Variants in DLG2 observed in about 807,000 individuals in gnomAD.
DLG2 encodes discs large MAGUK scaffold protein 2, also known as disks large homolog 2.
DLG2 carries 45 observed loss-of-function variants against 132.5 expected under a neutral mutation model. The observed-to-expected ratio is 0.34, with a 90% confidence interval of 0.27 to 0.44. DLG2 has a LOEUF of 0.44. Ranked by LOEUF, DLG2 falls within the 20% of genes least tolerant of loss-of-function variation. The pLI is 1.00. For missense variants in DLG2, 1,045 were observed against 1,196.9 expected (o/e 0.87, Z 1.87); for synonymous variants, 424 against 419.6 (o/e 1.01, Z -0.13).
At chr11:85,349,953 T>C (rs1222830079) in intron 3 of DLG2, among the ~76,000 whole-genome samples, 1 of 152,238 alleles carries the variant, frequency 6.6e-6, no homozygotes, top group Non-Finnish European at 1.5e-5. Flanking sequence ...GGTCAAATGG[T>C]ATTTCTAGTT....
chr11:85,394,902 A>C (rs896339860), intron 3 of DLG2, among the ~76,000 whole-genome samples: 2 of 152,198 alleles, frequency 1.3e-5, no homozygotes, highest in Non-Finnish European at 2.9e-5. Context: ...TGATGAATAT[A>C]GCATTCTTGC....
At chr11:84,672,762 A>T (rs562184626) in intron 6 of DLG2, among the ~76,000 whole-genome samples, 12 of 152,186 alleles carry the variant, frequency 7.9e-5, no homozygotes, top group African/African-American at 2.9e-4. Context: ...CCATGACGTG[A>T]TCCTGGTGTA....
chr11:84,881,994 T>G (rs2087425534), intron 6 of DLG2, among the ~76,000 whole-genome samples: 1 of 152,162 alleles, frequency 6.6e-6, no homozygotes, highest in Non-Finnish European at 1.5e-5. Context: ...AAATGTTTGC[T>G]TTAATTGATT....
At chr11:85,051,381 A>G (rs1242236664) in intron 6 of DLG2, among the ~76,000 whole-genome samples, 2 of 152,180 alleles carry the variant, frequency 1.3e-5, no homozygotes, top group African/African-American at 4.8e-5. Context: ...AGAGATATAT[A>G]CTATATAAAT....
Position 84,035,517 on chromosome 11 carries a change from T to C in DLG2, c.919+23798A>G, listed in dbSNP as rs186099350. Among the ~76,000 whole-genome samples, 354 of 152,258 alleles carry C rather than the reference T, an allele frequency of 2.3e-3. 1 individual carries two copies. Among genetic ancestry groups the C allele is most frequent in the Middle Eastern group, 0.01 (3 of 294 alleles). ...TGTAGGCAGGAACATACTTAGAACT[T>C]TGAAACAGTTGTAAGAAAGCTAGTG... On this transcript the variant is annotated intron_variant, in intron 11 of 27. Transcript: ENST00000376104.
chr11:85,143,050 G>T (rs1011565487), intron 5 of DLG2, among the ~76,000 whole-genome samples: 17 of 151,622 alleles, frequency 1.1e-4, no homozygotes, highest in African/African-American at 4.1e-4. Flanking sequence ...TTGGCATCGT[G>T]GTAATACTAG....
chr11:83,838,859 T>C (rs956338719), intron 16 of DLG2, among the ~76,000 whole-genome samples: 3 of 152,090 alleles, frequency 2.0e-5, no homozygotes, highest in Admixed American at 6.5e-5. Context: ...CTTGTACTCA[T>C]ACTCCTATCA....
At chr11:84,054,294 T>C (rs1397993876) in intron 11 of DLG2, among the ~76,000 whole-genome samples, 1 of 152,036 alleles carries the variant, frequency 6.6e-6, no homozygotes, top group Non-Finnish European at 1.5e-5. Flanking sequence ...TTTAATGTGT[T>C]CTTGCGAAAG....
At chr11:84,989,113 A>T (rs566560300) in intron 6 of DLG2, among the ~76,000 whole-genome samples, 1 of 152,358 alleles carries the variant, frequency 6.6e-6, no homozygotes, top group East Asian at 1.9e-4. Context: ...AAAAAATGAA[A>T]TAGTATAACA....
rs993000031 is a variant in DLG2, at chr11:83,554,944, G to C, written c.1941-13086C>G. Among the ~76,000 whole-genome samples, 7 of 152,306 alleles carry C rather than the reference G, an allele frequency of 4.6e-5. No homozygotes were observed. The East Asian group carries it at 9.6e-4, about 21-fold the overall frequency. On this transcript the variant is annotated intron_variant, in intron 19 of 27. Coordinates refer to ENST00000376104, the MANE Select transcript of DLG2 (RefSeq NM_001142699.3). ...ATACAGTGTGAATAACAGAAACAAG[G>C]CACTTTTGGAATTTAGAGACAAAAC...
chr11:84,675,603 A>T (rs1403739638), intron 6 of DLG2, among the ~76,000 whole-genome samples: 1 of 152,086 alleles, frequency 6.6e-6, no homozygotes, highest in African/African-American at 2.4e-5. Flanking sequence ...TCTGGTTCAC[A>T]TAGCACTCGT....
chr11:84,644,373 G>C (rs1028169797), intron 6 of DLG2, among the ~76,000 whole-genome samples: 4 of 152,116 alleles, frequency 2.6e-5, no homozygotes, highest in Admixed American at 2.0e-4. Flanking sequence ...AAGAGCATCT[G>C]GAAATTATAG....
chr11:83,576,985 G>T (rs563446282), intron 19 of DLG2, among the ~76,000 whole-genome samples: 1 of 152,132 alleles, frequency 6.6e-6, no homozygotes, highest in East Asian at 1.9e-4. Flanking sequence ...ATTGATACTG[G>T]GTATGTCTTT....
intron 11 of DLG2, among the ~76,000 whole-genome samples, chr11:83,990,124 A>G (rs2093622401): frequency 6.6e-6 from 1 of 152,188 alleles, no homozygotes; most frequent in Admixed American, 6.5e-5. Context: ...AAGCTGACAC[A>G]GAAAAATGTA....
chr11:85,306,700 G>A (rs1177156410), intron 3 of DLG2, among the ~76,000 whole-genome samples: 1 of 152,114 alleles, frequency 6.6e-6, no homozygotes, highest in African/African-American at 2.4e-5. Context: ...CCTCCCCTAA[G>A]TAGCTGGGAC....
Position 84,313,641 on chromosome 11 carries a change from A to AAAAGAAAGAAACAAAGAAAGAAAGAAAG in DLG2, c.520-62351_520-62350insCTTTCTTTCTTTCTTTGTTTCTTTCTTT, listed in dbSNP as rs2098321276. Among the ~76,000 whole-genome samples, 17 of 129,290 alleles carry AAAAGAAAGAAACAAAGAAAGAAAGAAAG rather than the reference A, an allele frequency of 1.3e-4. No homozygotes were observed. The South Asian group carries it at 4.4e-3, about 34-fold the overall frequency. The allele number at this position is 129,290 out of a possible 152,430, so 84.8% of individuals were successfully genotyped here. On this transcript the variant is annotated intron_variant, in intron 7 of 27. Transcript: ENST00000376104. ...AAAAGAAAAAGAAAGGAAAGAGAGA[A>AAAAGAAAGAAACAAAGAAAGAAAGAAAG]AAAGAAAGAAAGAAAGAAAGAAAGA...
chr11:85,246,613 T>A (rs1225308307), intron 4 of DLG2, among the ~76,000 whole-genome samples: 1 of 146,336 alleles, frequency 6.8e-6, no homozygotes, highest in Non-Finnish European at 1.5e-5. Context: ...AAATAAGGAA[T>A]ACATGGAGCT....
intron 3 of DLG2, among the ~76,000 whole-genome samples, chr11:85,416,340 T>A (rs1008801124): frequency 6.6e-6 from 1 of 152,260 alleles, no homozygotes; most frequent in Admixed American, 6.5e-5. Context: ...TTTTGGTTAC[T>A]GTAGCCTTGT....
intron 7 of DLG2, among the ~76,000 whole-genome samples, chr11:84,527,456 A>C (rs2099324752): frequency 6.6e-6 from 1 of 152,124 alleles, no homozygotes; most frequent in South Asian, 2.1e-4. Flanking sequence ...ACAGATTCTC[A>C]AATGTCTTCT....
Sources: gnomAD v4.1 joint callset for allele counts (sites outside exome capture counted in the v4.1 genomes callset) on GRCh38, gnomAD v4.1.1 for gene constraint, MANE v1.5 for transcripts, NCBI Gene and HGNC (gene_info 2026-07-23, HGNC 2026-07-21) for gene names.